The following SMYD3 variants were observed in gnomAD, a reference collection of about 807,000 sequenced individuals.
SMYD3 encodes the protein SET and MYND domain containing 3, also known as histone-lysine N-methyltransferase SMYD3.
SMYD3 carries 36 observed loss-of-function variants against 57.7 expected under a neutral mutation model. The ratio of observed to expected loss-of-function variants is 0.62; its 90% confidence interval spans 0.48 to 0.82. SMYD3 has a LOEUF of 0.82. SMYD3 is among the 40% of genes least tolerant of loss of function. The pLI is 0.00. For missense variants in SMYD3, 515 were observed against 538.8 expected, an observed-to-expected ratio of 0.96 and a Z score of 0.44; for synonymous variants, 211 against 195.0, an observed-to-expected ratio of 1.08 and a Z score of -0.68.
intron 1 of SMYD3, among the ~76,000 whole-genome samples, chr1:246,492,060 A>C (rs1168022042): frequency 6.6e-6 from 1 of 152,224 alleles, no homozygotes; most frequent in African/African-American, 2.4e-5. Flanking sequence ...AATAAAAAAA[A>C]CTGTTAGTAG....
intron 10 of SMYD3, among the ~76,000 whole-genome samples, chr1:245,852,031 G>C (rs1272103143): frequency 6.6e-6 from 1 of 152,226 alleles, no homozygotes; most frequent in Admixed American, 6.5e-5. Context: ...TAAGACAGAT[G>C]GGAAATAGGC....
intron 5 of SMYD3, among the ~76,000 whole-genome samples, chr1:246,071,580 A>G (rs2060444600): frequency 6.6e-6 from 1 of 152,222 alleles, no homozygotes; most frequent in Non-Finnish European, 1.5e-5. Context: ...GAATGCCATC[A>G]TCCCTGAAAA....
chr1:246,283,460 T>A (rs2064494460), intron 5 of SMYD3, among the ~76,000 whole-genome samples: 1 of 152,312 alleles, frequency 6.6e-6, no homozygotes, highest in East Asian at 1.9e-4. Flanking sequence ...GCTTTAAATG[T>A]GTCAGATGTG....
At chr1:246,427,362 T>C (rs2067233577) in intron 1 of SMYD3, among the ~76,000 whole-genome samples, 1 of 149,570 alleles carries the variant, frequency 6.7e-6, no homozygotes, top group Non-Finnish European at 1.5e-5. Flanking sequence ...CTACTAAAAA[T>C]ACAAAAAATT....
chr1:246,091,120 A>G (rs2060816394), intron 5 of SMYD3, among the ~76,000 whole-genome samples: 1 of 152,174 alleles, frequency 6.6e-6, no homozygotes, highest in South Asian at 2.1e-4. Flanking sequence ...TGCTGTTCAA[A>G]GACTGGGATG....
intron 5 of SMYD3, among the ~76,000 whole-genome samples, chr1:246,095,859 G>A (rs1483305946): frequency 6.6e-6 from 1 of 152,120 alleles, no homozygotes. Context: ...CTAAGCAACA[G>A]GCAAGACCCT....
Position 246,463,833 on chromosome 1 carries a change from CAAAAAAAAAAAA to C in SMYD3, c.164+43209_164+43220del, listed in dbSNP as rs35826530. ...CCTGGGAGACGGCGAGACCCCGTCT[CAAAAAAAAAAAA>C]AAAAAAAAAAGAGTGTGGAATTAAA... is the stretch of plus-strand genomic sequence containing the variant. On this transcript the variant is annotated intron_variant, in intron 1 of 11. Coordinates refer to ENST00000490107, the MANE Select transcript of SMYD3 (RefSeq NM_001167740.2). Among the ~76,000 whole-genome samples, 2 of 70,488 alleles carry C rather than the reference CAAAAAAAAAAAA, an allele frequency of 2.8e-5. 1 individual carries two copies. The highest frequency in any genetic ancestry group is 4.9e-5 in the Non-Finnish European group (2 of 41,098). 46.2% of individuals were successfully genotyped at this position (70,488 alleles called of 152,430 possible).
At chr1:246,480,988 C>A (rs1256984152) in intron 1 of SMYD3, among the ~76,000 whole-genome samples, 3 of 151,976 alleles carry the variant, frequency 2.0e-5, no homozygotes, top group African/African-American at 7.3e-5. Flanking sequence ...TTAGTAGAGA[C>A]AGGGTATCAC....
At chr1:246,261,371 T>A (rs1424690803) in intron 5 of SMYD3, among the ~76,000 whole-genome samples, 1 of 151,752 alleles carries the variant, frequency 6.6e-6, no homozygotes, top group African/African-American at 2.4e-5. Flanking sequence ...TTGTTTTTTT[T>A]TTTTAATGTT....
At chr1:246,052,186 A>C (rs2060077100) in intron 5 of SMYD3, among the ~76,000 whole-genome samples, 1 of 152,224 alleles carries the variant, frequency 6.6e-6, no homozygotes, top group African/African-American at 2.4e-5. Context: ...TTTTAAAGGA[A>C]GGAAAAAACC....
chr1:246,042,734 T>G (rs2059899676), intron 5 of SMYD3, among the ~76,000 whole-genome samples: 1 of 144,122 alleles, frequency 6.9e-6, no homozygotes, highest in African/African-American at 2.7e-5. Context: ...TCTTCAGGAC[T>G]AAGCTCAACA....
At position 246,202,101 on chromosome 1, in the gene SMYD3, A is replaced by C. The variant is rs1213929036; in HGVS notation, c.531+125100T>G. Among the ~76,000 whole-genome samples, 5 of 152,024 alleles carry C rather than the reference A, an allele frequency of 3.3e-5. No individual in the cohort carries two copies. The highest frequency in any genetic ancestry group is 5.9e-5 in the Non-Finnish European group (4 of 68,010). ...CTGGAAATATGTACTGCAAAATAAT[A>C]ATTATTATTTCTAGATGGTGAGCTA... is the stretch of plus-strand genomic sequence containing the variant. On this transcript the variant is annotated intron_variant, in intron 5 of 11. Coordinates refer to ENST00000490107, the MANE Select transcript of SMYD3 (RefSeq NM_001167740.2). This position sits in a 1 kb window ranked among gnomAD's most constrained non-coding sequence, Gnocchi z 4.1.
At chr1:246,152,666 G>A (rs1389107526) in intron 5 of SMYD3, among the ~76,000 whole-genome samples, 1 of 152,208 alleles carries the variant, frequency 6.6e-6, no homozygotes, top group African/African-American at 2.4e-5. Flanking sequence ...TTGAATGAAA[G>A]CAAATTTCAT....
chr1:246,031,541 T>C (rs935481266), intron 5 of SMYD3, among the ~76,000 whole-genome samples: 1 of 152,016 alleles, frequency 6.6e-6, no homozygotes, highest in Non-Finnish European at 1.5e-5. Context: ...ATCAAAACCA[T>C]CCTGGCTAAC....
At chr1:246,308,751 A>G (rs2065028446) in intron 5 of SMYD3, among the ~76,000 whole-genome samples, 1 of 152,228 alleles carries the variant, frequency 6.6e-6, no homozygotes, top group South Asian at 2.1e-4. Flanking sequence ...ATATGGGAGA[A>G]TTAATCACAT....
intron 5 of SMYD3, among the ~76,000 whole-genome samples, chr1:246,122,653 C>T (rs2061441132): frequency 6.6e-6 from 1 of 152,194 alleles, no homozygotes; most frequent in Non-Finnish European, 1.5e-5. Context: ...ACATATTTGA[C>T]TAAAGGACAC....
intron 5 of SMYD3, among the ~76,000 whole-genome samples, chr1:246,000,074 A>G (rs1199003310): frequency 1.3e-5 from 2 of 152,234 alleles, no homozygotes; most frequent in African/African-American, 4.8e-5. Context: ...TACACTCAGT[A>G]ATGGTTGACT....
chr1:246,123,961 T>A (rs1051687725), intron 5 of SMYD3, among the ~76,000 whole-genome samples: 1 of 152,172 alleles, frequency 6.6e-6, no homozygotes, highest in Non-Finnish European at 1.5e-5. Context: ...GTCATCCTTG[T>A]CACTATATCT....
chr1:245,798,018 G>A (rs1258420247), intron 10 of SMYD3, among the ~76,000 whole-genome samples: 1 of 152,050 alleles, frequency 6.6e-6, no homozygotes, highest in Non-Finnish European at 1.5e-5. Context: ...TTGTTCATTT[G>A]CTCATTCGGC....
Sources: allele counts gnomAD v4.1 joint callset (sites outside exome capture counted in the v4.1 genomes callset), GRCh38; gene constraint gnomAD v4.1.1; non-coding constraint Gnocchi (gnomAD v3.1); transcripts MANE v1.5; gene names NCBI Gene and HGNC (gene_info 2026-07-23, HGNC 2026-07-21).